The following WDR27 variants were observed in gnomAD, a reference collection of about 807,000 sequenced individuals.
The protein encoded by WDR27 is WD repeat-containing protein 27.
In WDR27, 100 loss-of-function variants were observed where a neutral mutation model predicts 114.4. That is an observed-to-expected ratio of 0.87 (90% confidence interval 0.74 to 1.03). The LOEUF (loss-of-function observed/expected upper bound fraction) is 1.03. WDR27 is among the 50% of genes least tolerant of loss of function. The pLI is 0.00. For missense variants in WDR27, 1,129 were observed against 1,092.9 expected, an observed-to-expected ratio of 1.03 and a Z score of -0.47; for synonymous variants, 449 against 423.1, an observed-to-expected ratio of 1.06 and a Z score of -0.75.
chr6:169,562,860 C>A (rs1013978476), intron 25 of WDR27, among the ~76,000 whole-genome samples: 2 of 152,078 alleles, frequency 1.3e-5, no homozygotes, highest in East Asian at 1.9e-4. Flanking sequence ...GAGGGCTCCA[C>A]GGCTCCTGCT....
At chr6:169,658,502 C>T in intron 12 of WDR27, 144 bp from the exon 13 acceptor site, 2 of 636,458 alleles carry the variant, frequency 3.1e-6, no homozygotes, top group Non-Finnish European at 5.6e-6. Context: ...TGAAAACTGT[C>T]AAGTGTATTC....
rs543457720 is a variant in WDR27 at position 169,701,764 on chromosome 6, A to C, written c.-221T>G. ...CCGCCGTTGGAAGCGGTCACGGCGG[A>C]ACCCTCAAATCGCCCCCTTTCCTAG... is the stretch of plus-strand genomic sequence containing the variant. On this transcript the variant is annotated 5_prime_UTR_variant, in exon 1 of 26. Transcript: ENST00000448612. The C allele has an allele frequency of 3.9e-6, 1 of 258,198 alleles. No homozygotes were observed. The highest frequency in any genetic ancestry group is 3.5e-5 in the South Asian group (1 of 28,428). The allele number at this position is 258,198 out of a possible 1,614,324, so 16.0% of individuals were successfully genotyped here. A position where few individuals can be genotyped will look rare whatever the true frequency, so the allele number is the denominator to read the frequency against.
chr6:169,643,090 A>G (rs977242601), intron 17 of WDR27, among the ~76,000 whole-genome samples: 1 of 152,230 alleles, frequency 6.6e-6, no homozygotes, highest in Non-Finnish European at 1.5e-5. Flanking sequence ...GTATAAAAAC[A>G]GAAGGACTAG....
chr6:169,643,295 A>G (rs536906913), intron 17 of WDR27, among the ~76,000 whole-genome samples: 1 of 141,000 alleles, frequency 7.1e-6, no homozygotes, highest in Non-Finnish European at 1.5e-5. Flanking sequence ...TACTTTTTTT[A>G]AAAAAAAATT....
At chr6:169,622,910 GA>G (rs1191326312) in intron 21 of WDR27, among the ~76,000 whole-genome samples, 1 of 152,208 alleles carries the variant, frequency 6.6e-6, no homozygotes, top group Middle Eastern at 3.2e-3. Flanking sequence ...TTGAAACAAA[GA>G]TGGTAACAAC....
intron 21 of WDR27, among the ~76,000 whole-genome samples, chr6:169,615,961 A>AT (rs1312605154): frequency 6.6e-6 from 1 of 151,754 alleles, no homozygotes; most frequent in African/African-American, 2.4e-5. Context: ...CTAATAAAAA[A>AT]AAAAAAGTCA....
chr6:169,600,370 A>G (rs1479296040), intron 23 of WDR27, among the ~76,000 whole-genome samples: 2 of 152,208 alleles, frequency 1.3e-5, no homozygotes, highest in Non-Finnish European at 2.9e-5. Context: ...GGGAAAAAAC[A>G]GAGCAGAAAA....
intron 25 of WDR27, among the ~76,000 whole-genome samples, chr6:169,540,570 C>T (rs1796718422): frequency 6.6e-6 from 1 of 151,954 alleles, no homozygotes; most frequent in South Asian, 2.1e-4. Flanking sequence ...GCTGGGATTA[C>T]AGGCAGACGC....
chr6:169,612,631 TAAA>T (rs59134868), intron 22 of WDR27, among the ~76,000 whole-genome samples: 3 of 97,044 alleles, frequency 3.1e-5, no homozygotes, highest in Admixed American at 1.4e-4. Context: ...CTGTCTAACA[TAAA>T]AAAAAAAAAA....
chr6:169,635,803 A>C (rs1817542130), intron 19 of WDR27, among the ~76,000 whole-genome samples: 2 of 152,228 alleles, frequency 1.3e-5, no homozygotes, highest in African/African-American at 4.8e-5. Context: ...AAATAAAATG[A>C]CATGAATACA....
intron 25 of WDR27, among the ~76,000 whole-genome samples, chr6:169,461,092 A>G (rs1373945554): frequency 6.6e-6 from 1 of 152,232 alleles, no homozygotes; most frequent in Non-Finnish European, 1.5e-5. Flanking sequence ...ATAAACATTT[A>G]CATACCTAAT....
At chr6:169,520,502 C>G (rs968712905) in intron 25 of WDR27, among the ~76,000 whole-genome samples, 1 of 151,804 alleles carries the variant, frequency 6.6e-6, no homozygotes, top group African/African-American at 2.4e-5. Flanking sequence ...TACATGCACA[C>G]GAAACAACAG....
chr6:169,653,378 A>G (rs1823132446), intron 13 of WDR27, among the ~76,000 whole-genome samples: 1 of 152,242 alleles, frequency 6.6e-6, no homozygotes, highest in South Asian at 2.1e-4. Flanking sequence ...ATGGAATCCC[A>G]CTGAACCATA....
intron 23 of WDR27, among the ~76,000 whole-genome samples, chr6:169,584,038 C>A (rs918867908): frequency 1.4e-5 from 2 of 138,832 alleles, no homozygotes; most frequent in African/African-American, 5.3e-5. Flanking sequence ...GCTGCTGTTT[C>A]GTATCCTTTG....
intron 5 of WDR27, among the ~76,000 whole-genome samples, chr6:169,667,690 T>C (rs914013748): frequency 3.3e-5 from 5 of 152,192 alleles, no homozygotes; most frequent in Non-Finnish European, 5.9e-5. Flanking sequence ...GGCCTGGGAA[T>C]GCCGTGGAGA....
chr6:169,694,528 C>T (rs769733859), intron 1 of WDR27, among the ~76,000 whole-genome samples: 71 of 152,082 alleles, frequency 4.7e-4, no homozygotes, highest in Admixed American at 1.8e-3. Flanking sequence ...AATGTAGCAA[C>T]GGTTCTTACA....
intron 25 of WDR27, among the ~76,000 whole-genome samples, chr6:169,459,159 C>T (rs138748111): frequency 1.2e-3 from 186 of 152,092 alleles, no homozygotes; most frequent in Middle Eastern, 6.8e-3. Context: ...TACAGCACAA[C>T]GACTTTAAAA....
chr6:169,607,393 T>TACACACACACACACAC (rs199658563), intron 22 of WDR27, among the ~76,000 whole-genome samples: 52 of 99,490 alleles, frequency 5.2e-4, no homozygotes, highest in African/African-American at 1.4e-3. Context: ...TGTGTGTGTA[T>TACACACACACACACAC]ACACACACAC....
At chr6:169,439,738 A>G in the WDR27 span, among the ~76,000 whole-genome samples, 2 of 152,028 alleles carry the variant, frequency 1.3e-5, no homozygotes, top group African/African-American at 4.8e-5. Flanking sequence ...ACTTTAATAA[A>G]CAAAGGTGAA....
Sources: allele counts gnomAD v4.1 joint callset (sites outside exome capture counted in the v4.1 genomes callset), GRCh38; gene constraint gnomAD v4.1.1; transcripts MANE v1.5; gene names NCBI Gene and HGNC (gene_info 2026-07-23, HGNC 2026-07-21).